The following FRMD4A variants were observed in gnomAD, a reference collection of about 807,000 sequenced individuals.
FRMD4A encodes the protein FERM domain containing 4A.
FRMD4A carries 29 observed loss-of-function variants against 129.1 expected under a neutral mutation model. The ratio of observed to expected loss-of-function variants is 0.22; its 90% CI spans 0.17 to 0.31. FRMD4A has a LOEUF of 0.31. Among genes scored for constraint, FRMD4A ranks in the 10% least tolerant of loss-of-function variants. The pLI, the probability that FRMD4A is intolerant of heterozygous loss-of-function variation, is 1.00. For synonymous variants in FRMD4A, 634 were observed against 571.6 expected, an observed-to-expected ratio of 1.11 and a Z score of -1.56; for missense variants, 1,272 against 1,375.8, an observed-to-expected ratio of 0.92 and a Z score of 1.19.
At chr10:14,049,809 C>A (rs1377824902) in intron 2 of FRMD4A, among the ~76,000 whole-genome samples, 1 of 152,178 alleles carries the variant, frequency 6.6e-6, no homozygotes, top group Non-Finnish European at 1.5e-5. Context: ...GAGCCAAGAT[C>A]ATGCCACTGC....
intron 2 of FRMD4A, among the ~76,000 whole-genome samples, chr10:14,319,893 T>C (rs908380059): frequency 6.6e-6 from 1 of 152,148 alleles, no homozygotes; most frequent in Non-Finnish European, 1.5e-5. Context: ...ATTCAAATGG[T>C]ATTTCCCACT....
chr10:13,928,792 G>A (rs2095163104), intron 2 of FRMD4A, among the ~76,000 whole-genome samples: 1 of 152,180 alleles, frequency 6.6e-6, no homozygotes, highest in Non-Finnish European at 1.5e-5. Flanking sequence ...CACTCAGCCA[G>A]CACAGACGGC....
chr10:14,122,623 G>T (rs1838593475), intron 2 of FRMD4A, among the ~76,000 whole-genome samples: 1 of 151,868 alleles, frequency 6.6e-6, no homozygotes, highest in Non-Finnish European at 1.5e-5. Flanking sequence ...GGGGAGGGCT[G>T]CTACACACTT....
intron 2 of FRMD4A, among the ~76,000 whole-genome samples, chr10:14,166,381 C>G (rs555288800): frequency 2.7e-4 from 41 of 152,122 alleles, no homozygotes; most frequent in African/African-American, 9.9e-4. Context: ...TTTACTGTTT[C>G]TAGCTAGTTT....
At chr10:13,800,203 A>T (rs12416149) in intron 4 of FRMD4A, among the ~76,000 whole-genome samples, 1 of 152,128 alleles carries the variant, frequency 6.6e-6, no homozygotes, top group Non-Finnish European at 1.5e-5. Context: ...CAAACAAACA[A>T]AAAACATGAC....
chr10:13,658,709 C>T (rs1477158427), intron 21 of FRMD4A, among the ~76,000 whole-genome samples: 3 of 152,044 alleles, frequency 2.0e-5, no homozygotes, highest in Non-Finnish European at 4.4e-5. Flanking sequence ...GGTGAAACCC[C>T]GTCTCTACTA....
intron 2 of FRMD4A, among the ~76,000 whole-genome samples, chr10:14,214,782 T>G (rs941150746): frequency 9.2e-5 from 14 of 152,208 alleles, no homozygotes; most frequent in Admixed American, 3.3e-4. Context: ...TGTAGCATTC[T>G]GTGAAATATA....
intron 2 of FRMD4A, among the ~76,000 whole-genome samples, chr10:13,952,624 T>A (rs1406082032): frequency 1.3e-5 from 2 of 152,224 alleles, no homozygotes; most frequent in African/African-American, 4.8e-5. Context: ...AGAAGCATGA[T>A]GGTTCAAATC....
At chr10:13,868,433 G>T (rs115421679) in intron 2 of FRMD4A, among the ~76,000 whole-genome samples, 1 of 152,076 alleles carries the variant, frequency 6.6e-6, no homozygotes, top group Admixed American at 6.6e-5. Context: ...GGATGACCTT[G>T]TTCCTATTTT....
At chr10:13,993,645 A>G (rs1434013535) in intron 2 of FRMD4A, among the ~76,000 whole-genome samples, 1 of 152,172 alleles carries the variant, frequency 6.6e-6, no homozygotes, top group African/African-American at 2.4e-5. Flanking sequence ...GTTGCTGATG[A>G]TATTAATAAG....
intron 2 of FRMD4A, among the ~76,000 whole-genome samples, chr10:14,213,395 C>T (rs1191990311): frequency 6.6e-6 from 1 of 152,236 alleles, no homozygotes; most frequent in East Asian, 1.9e-4. Flanking sequence ...TCTCAACAGC[C>T]ATGTGAGGTA....
At chr10:13,831,208 G>T (rs562939025) in intron 3 of FRMD4A, among the ~76,000 whole-genome samples, 6 of 152,204 alleles carry the variant, frequency 3.9e-5, no homozygotes, top group African/African-American at 1.4e-4. Flanking sequence ...TAGACCAAAC[G>T]CAATGCCTCT....
chr10:14,029,530 T>C (rs1010521317), intron 2 of FRMD4A, among the ~76,000 whole-genome samples: 4 of 152,310 alleles, frequency 2.6e-5, no homozygotes, highest in Admixed American at 2.6e-4. Flanking sequence ...ATATACAAAA[T>C]GTGTTCCTTG....
chr10:14,180,149 G>A (rs1222176217), intron 2 of FRMD4A, among the ~76,000 whole-genome samples: 2 of 152,206 alleles, frequency 1.3e-5, no homozygotes, highest in East Asian at 3.8e-4. Flanking sequence ...GATTGGAGAG[G>A]TGAATAGAAG....
At chr10:14,218,955 C>CAAAAAAAAAAAAA (rs56064346) in intron 2 of FRMD4A, among the ~76,000 whole-genome samples, 4 of 72,648 alleles carry the variant, frequency 5.5e-5, no homozygotes, top group African/African-American at 2.3e-4. Flanking sequence ...GACTTCATCT[C>CAAAAAAAAAAAAA]AAAAAAAAAA....
At chr10:13,960,001 G>A (rs2095436568) in intron 2 of FRMD4A, among the ~76,000 whole-genome samples, 1 of 152,192 alleles carries the variant, frequency 6.6e-6, no homozygotes, top group Non-Finnish European at 1.5e-5. Context: ...CTTGCCTTGG[G>A]AAGCATAAAC....
At chr10:13,859,687 C>T (rs555887532) in intron 2 of FRMD4A, among the ~76,000 whole-genome samples, 1 of 152,116 alleles carries the variant, frequency 6.6e-6, no homozygotes, top group Non-Finnish European at 1.5e-5. Context: ...AGCAGATGAC[C>T]ACCCACCTGG....
chr10:14,017,778 G>A (rs1450712059), intron 2 of FRMD4A, among the ~76,000 whole-genome samples: 1 of 152,170 alleles, frequency 6.6e-6, no homozygotes, highest in Admixed American at 6.5e-5. Context: ...TCTGGGATGA[G>A]TCACGTGGTA....
intron 2 of FRMD4A, among the ~76,000 whole-genome samples, chr10:13,954,706 C>T (rs1588524165): frequency 1.3e-5 from 2 of 152,180 alleles, no homozygotes; most frequent in South Asian, 4.1e-4. Flanking sequence ...CTGTGGCTGG[C>T]AGCCTGTGTG....
Sources: allele counts gnomAD v4.1 joint callset (sites outside exome capture counted in the v4.1 genomes callset), GRCh38; gene constraint gnomAD v4.1.1; transcripts MANE v1.5; gene names NCBI Gene and HGNC (gene_info 2026-07-23, HGNC 2026-07-21).